Variants in TOX observed in about 807,000 individuals in gnomAD.
TOX encodes thymocyte selection-associated high mobility group box protein TOX.
A neutral mutation model predicts 53.7 loss-of-function variants in TOX; 11 were observed. The ratio of observed to expected loss-of-function variants is 0.20; its 90% CI spans 0.13 to 0.34. The LOEUF is 0.34. TOX is among the 10% of genes least tolerant of loss of function. The pLI, the probability that TOX is intolerant of heterozygous loss-of-function variation, is 1.00. For synonymous variants in TOX, 225 were observed against 245.3 expected (o/e 0.92, Z 0.77); for missense variants, 570 against 664.6 (o/e 0.86, Z 1.56).
chr8:58,814,341 T>C (rs1001154051), intron 7 of TOX: 2 of 152,162 alleles, frequency 1.3e-5, no homozygotes, highest in African/African-American at 2.4e-5. Context: ...TTGGAGTATA[T>C]AAGTGATACC....
chr8:58,819,327 T>C (rs1035288092), intron 6 of TOX, among the ~76,000 whole-genome samples: 1 of 152,226 alleles, frequency 6.6e-6, no homozygotes. Context: ...TATTTAGCAA[T>C]GAGTGTCATG....
At chr8:58,886,785 C>T (rs1224479821) in intron 3 of TOX, among the ~76,000 whole-genome samples, 2 of 151,692 alleles carry the variant, frequency 1.3e-5, no homozygotes, top group Non-Finnish European at 2.9e-5. Context: ...TTGTTTTCTT[C>T]CCAACCACAA....
At chr8:58,965,435 G>C (rs1439634267) in intron 1 of TOX, among the ~76,000 whole-genome samples, 3 of 152,108 alleles carry the variant, frequency 2.0e-5, no homozygotes, top group Non-Finnish European at 4.4e-5. Flanking sequence ...ATTGAAAGGA[G>C]AAATCTAGCA....
chr8:58,925,898 T>C (rs1316432236), intron 3 of TOX, among the ~76,000 whole-genome samples: 1 of 152,216 alleles, frequency 6.6e-6, no homozygotes, highest in Non-Finnish European at 1.5e-5. Flanking sequence ...CACTTTACCA[T>C]GCACTGACTA....
chr8:58,980,225 AAGAG>A (rs980821896), intron 1 of TOX, among the ~76,000 whole-genome samples: 2 of 152,174 alleles, frequency 1.3e-5, no homozygotes, highest in Admixed American at 6.5e-5. Flanking sequence ...ATGAGAAAGA[AAGAG>A]AGACAATCTG....
At chr8:59,073,229 T>C (rs1338649796) in intron 1 of TOX, among the ~76,000 whole-genome samples, 2 of 152,186 alleles carry the variant, frequency 1.3e-5, no homozygotes, top group Non-Finnish European at 2.9e-5. Context: ...TAAACCTCTA[T>C]CTGCGCTTCT....
chr8:58,906,746 G>A (rs1043666831), intron 3 of TOX, among the ~76,000 whole-genome samples: 1 of 151,976 alleles, frequency 6.6e-6, no homozygotes, highest in East Asian at 1.9e-4. Flanking sequence ...AATCTTTGTC[G>A]TTAACTAGGA....
At chr8:58,998,531 A>AATAAATTTATGTAATAAATT (rs1563413495) in intron 1 of TOX, among the ~76,000 whole-genome samples, 28 of 22,812 alleles carry the variant, frequency 1.2e-3, no homozygotes, top group Middle Eastern at 0.022. Context: ...ATATATATAT[A>AATAAATTTATGTAATAAATT]TATATATAAA....
intron 1 of TOX, among the ~76,000 whole-genome samples, chr8:58,960,934 A>G (rs1220833471): frequency 6.6e-6 from 1 of 152,178 alleles, no homozygotes; most frequent in Non-Finnish European, 1.5e-5. Context: ...GAACACAATA[A>G]CTTCACAGAG....
chr8:58,924,143 A>G (rs1228339429), intron 3 of TOX, among the ~76,000 whole-genome samples: 1 of 152,256 alleles, frequency 6.6e-6, no homozygotes, highest in Non-Finnish European at 1.5e-5. Flanking sequence ...AATGATATGC[A>G]GAATAATGAG....
At position 58,940,444 on chromosome 8, in the gene TOX, G is replaced by T. The variant is rs557372118; in HGVS notation, c.169-900C>A. On this transcript the variant is annotated intron_variant, in intron 2 of 8. Transcript: ENST00000361421. ...GACATGCCTGTTTGAAATGGAATGTGGTAAATGTTGAAAAATACATGGAAG... is the reference window on the plus strand; with the variant it reads ...GACATGCCTGTTTGAAATGGAATGTTGTAAATGTTGAAAAATACATGGAAG... 1.9e-4 allele frequency among the ~76,000 whole-genome samples: 28 copies of T among 151,136 alleles called. No individual in the cohort carries two copies. In the East Asian group the frequency reaches 3.3e-3, roughly 18 times the overall value.
chr8:59,086,971 G>A (rs2129423539), intron 1 of TOX, among the ~76,000 whole-genome samples: 1 of 152,300 alleles, frequency 6.6e-6, no homozygotes, highest in African/African-American at 2.4e-5. Flanking sequence ...CCCTTATGGA[G>A]AAAGAAAGAT....
intron 1 of TOX, among the ~76,000 whole-genome samples, chr8:58,961,588 C>T (rs13273148): frequency 0.076 from 11,479 of 151,314 alleles, 534 homozygotes; most frequent in South Asian, 0.19. Flanking sequence ...AGTGAAATGG[C>T]GCGATCGCAG....
At chr8:58,944,939 T>C (rs1265295690) in intron 2 of TOX, among the ~76,000 whole-genome samples, 1 of 152,208 alleles carries the variant, frequency 6.6e-6, no homozygotes, top group Admixed American at 6.5e-5. Flanking sequence ...ATACCTAATG[T>C]ATTTATTTAT....
intron 1 of TOX, among the ~76,000 whole-genome samples, chr8:59,037,961 G>T (rs1803501268): frequency 6.6e-6 from 1 of 152,034 alleles, no homozygotes; most frequent in Admixed American, 6.6e-5. Context: ...ACATTACACA[G>T]GACAATAATA....
rs1196036419 is a variant in TOX, at chr8:58,993,913, T to A, written c.103-33905A>T. 2.9e-5 allele frequency among the ~76,000 whole-genome samples: 4 copies of A among 137,164 alleles called. No homozygotes were observed. In the East Asian group the frequency reaches 1.2e-3, roughly 40 times the overall value. The allele number at this position is 137,164 out of a possible 152,430, so 90.0% of individuals were successfully genotyped here. ...CAGAGAAAAGCATTCCCCGAATGGCTGAGTGGCCAGTTGCCATGGCAGCAT... is the reference window on the plus strand; with the variant it reads ...CAGAGAAAAGCATTCCCCGAATGGCAGAGTGGCCAGTTGCCATGGCAGCAT... On this transcript the variant is annotated intron_variant, in intron 1 of 8. Coordinates refer to ENST00000361421, the MANE Select transcript of TOX (RefSeq NM_014729.3).
At chr8:59,001,763 G>T (rs947001158) in intron 1 of TOX, among the ~76,000 whole-genome samples, 1 of 152,008 alleles carries the variant, frequency 6.6e-6, no homozygotes, top group African/African-American at 2.4e-5. Flanking sequence ...TAACTATAAG[G>T]TCAATCAGAT....
intron 5 of TOX, 79 bp from the exon 6 acceptor site, chr8:58,826,981 C>T (rs1810376813): frequency 1.9e-6 from 2 of 1,027,414 alleles, no homozygotes; most frequent in South Asian, 1.7e-5. Context: ...AGAATGATAA[C>T]TGCACACACA....
intron 1 of TOX, among the ~76,000 whole-genome samples, chr8:59,094,333 C>T (rs1207759622): frequency 6.6e-6 from 1 of 151,898 alleles, no homozygotes; most frequent in East Asian, 1.9e-4. Context: ...TACATAACTA[C>T]AATATTAAAT....
Sources: gnomAD v4.1 joint callset for allele counts (sites outside exome capture counted in the v4.1 genomes callset) on GRCh38, gnomAD v4.1.1 for gene constraint, MANE v1.5 for transcripts, NCBI Gene and HGNC (gene_info 2026-07-23, HGNC 2026-07-21) for gene names.